Variants in CRYZL1 observed in about 807,000 individuals in gnomAD.
CRYZL1 encodes crystallin zeta like 1.
Under a neutral mutation model 50.6 loss-of-function variants are expected in CRYZL1, and 34 were observed. That is an observed-to-expected ratio of 0.67 (90% CI 0.51 to 0.89). The LOEUF (loss-of-function observed/expected upper bound fraction) is 0.89, where lower values mean the gene tolerates loss of function less well. Ranked by LOEUF, CRYZL1 falls within the 40% of genes least tolerant of loss-of-function variation. CRYZL1 has a pLI of 0.00. For synonymous variants in CRYZL1, 125 were observed against 134.3 expected (o/e 0.93, Z 0.48); for missense variants, 354 against 402.3 (o/e 0.88, Z 1.03).
chr21:33,633,982 T>A (rs545769566), intron 1 of CRYZL1, among the ~76,000 whole-genome samples: 1 of 152,060 alleles, frequency 6.6e-6, no homozygotes, highest in Non-Finnish European at 1.5e-5. Flanking sequence ...TTTTACAGAG[T>A]GTAGTTGAGC....
chr21:33,618,788 G>C (rs1272008071), intron 4 of CRYZL1, among the ~76,000 whole-genome samples: 2 of 152,008 alleles, frequency 1.3e-5, no homozygotes, highest in Non-Finnish European at 2.9e-5. Flanking sequence ...GCTGATCCCT[G>C]TCCTCCTAAG....
intron 8 of CRYZL1, among the ~76,000 whole-genome samples, chr21:33,600,930 A>T (rs71314178): frequency 0.027 from 83 of 3,108 alleles, 4 homozygotes; most frequent in South Asian, 0.06. Context: ...CCCGGTCCAT[A>T]AAGTTTTTTT....
At chr21:33,636,082 C>G (rs778326876) in intron 1 of CRYZL1, among the ~76,000 whole-genome samples, 7 of 152,148 alleles carry the variant, frequency 4.6e-5, no homozygotes, top group Non-Finnish European at 1.0e-4. Context: ...ATAAATTTTA[C>G]TATACCAAAA....
chr21:33,629,607 T>C (rs1321139494), intron 2 of CRYZL1, among the ~76,000 whole-genome samples: 1 of 152,198 alleles, frequency 6.6e-6, no homozygotes, highest in African/African-American at 2.4e-5. Flanking sequence ...TACTGATTCA[T>C]TAATTAGTTC....
intron 8 of CRYZL1, 155 bp from the exon 9 acceptor site, chr21:33,599,403 T>A (rs1212178212): frequency 1.9e-6 from 2 of 1,045,072 alleles, no homozygotes; most frequent in Admixed American, 4.2e-5. Flanking sequence ...GAAAGTCAAT[T>A]TAAATTATAC....
At chr21:33,617,513 A>C (rs1230982759) in intron 4 of CRYZL1, among the ~76,000 whole-genome samples, 1 of 152,234 alleles carries the variant, frequency 6.6e-6, no homozygotes, top group Non-Finnish European at 1.5e-5. Flanking sequence ...CACTGAGTTA[A>C]AGAAGGAAGG....
At chr21:33,622,295 T>C (rs925193091) in intron 3 of CRYZL1, among the ~76,000 whole-genome samples, 2 of 152,256 alleles carry the variant, frequency 1.3e-5, no homozygotes, top group African/African-American at 4.8e-5. Context: ...GGAATGAATA[T>C]TATTATTCAA....
chr21:33,624,904 A>C, intron 2 of CRYZL1, 144 bp from the exon 3 acceptor site: 2 of 1,156,504 alleles, frequency 1.7e-6, no homozygotes, highest in Non-Finnish European at 2.3e-6. Context: ...ACTATAAGTA[A>C]TTATAGAAAT....
Position 33,621,979 on chromosome 21 carries a change from C to CACA in CRYZL1, c.217+14_217+16dup, listed in dbSNP as rs747485370. 1 of 1,538,898 alleles carries CACA rather than the reference C, an allele frequency of 6.5e-7. No homozygotes were observed. The highest frequency in any genetic ancestry group is 1.7e-5 in the Admixed American group (1 of 58,492). On this transcript the variant is annotated intron_variant, in intron 4 of 12. Transcript: ENST00000381554. The stretch of plus-strand genomic sequence containing the variant: ...ACCTTAGAAAATAAATACATATACT[C>CACA]ACATCTGTATACTTACCATCTAATA...
rs1375809346 is a variant in CRYZL1 at position 33,631,575 on chromosome 21, T to C, written c.-6-18A>G. The C allele has an allele frequency of 7.2e-7, 1 of 1,390,976 alleles. No individual in the cohort carries two copies. The allele number at this position is 1,390,976 out of a possible 1,614,324, so 86.2% of individuals were successfully genotyped here. A position where few individuals can be genotyped will look rare whatever the true frequency, so the allele number is the denominator to read the frequency against. ...ATAGTCACCTAAAAATAAATATATA[T>C]AAATGAAATAAAATAACAAGTCTTC... is the stretch of plus-strand genomic sequence containing the variant. On this transcript the variant is annotated intron_variant, in intron 1 of 12. Transcript: ENST00000381554.
At chr21:33,632,034 A>T (rs2087143482) in intron 1 of CRYZL1, among the ~76,000 whole-genome samples, 1 of 152,062 alleles carries the variant, frequency 6.6e-6, no homozygotes, top group South Asian at 2.1e-4. Context: ...GAAGTATTTA[A>T]ACTTATAGCC....
intron 1 of CRYZL1, among the ~76,000 whole-genome samples, chr21:33,632,387 A>T (rs866079366): frequency 6.6e-6 from 1 of 150,700 alleles, no homozygotes; most frequent in Non-Finnish European, 1.5e-5. Context: ...TTATTTATTT[A>T]TTTTTTTTTA....
At chr21:33,606,775 C>T (rs2086819033) in intron 6 of CRYZL1, among the ~76,000 whole-genome samples, 1 of 151,910 alleles carries the variant, frequency 6.6e-6, no homozygotes, top group African/African-American at 2.4e-5. Flanking sequence ...TATGGGAGGC[C>T]GAGACAGGCA....
In CRYZL1 at chr21:33,621,200, C is replaced by T. The variant is rs139815483; in HGVS notation, c.217+796G>A. 3.9e-3 allele frequency among the ~76,000 whole-genome samples: 576 copies of T among 149,106 alleles called. 3 individuals are homozygous for T. The highest frequency in any genetic ancestry group is 5.0e-3 in the Non-Finnish European group (332 of 67,006). ...GATTACAGGCGTGAGCCACCGCGCC[C>T]GGCCGGGGTGTCCAATCTTTTGGCT... On this transcript the variant is annotated intron_variant, in intron 4 of 12. Transcript: ENST00000381554.
At chr21:33,634,880 A>AATATATATAT (rs10599845) in intron 1 of CRYZL1, among the ~76,000 whole-genome samples, 10 of 144,400 alleles carry the variant, frequency 6.9e-5, no homozygotes, top group African/African-American at 2.0e-4. Flanking sequence ...CAACAACAAC[A>AATATATATAT]ATATATATAT....
At chr21:33,631,639 C>T (rs2087138626) in intron 1 of CRYZL1, 82 bp from the exon 2 acceptor site, 3 of 890,420 alleles carry the variant, frequency 3.4e-6, no homozygotes, top group Non-Finnish European at 4.7e-6. Flanking sequence ...ACAGTGCTGG[C>T]AAAGGATAAA....
At chr21:33,613,958 G>C (rs780963794) in intron 5 of CRYZL1, among the ~76,000 whole-genome samples, 7 of 151,952 alleles carry the variant, frequency 4.6e-5, no homozygotes, top group Non-Finnish European at 1.0e-4. Flanking sequence ...GAATCATGAG[G>C]TCAGGAGTTT....
intron 10 of CRYZL1, 91 bp downstream of exon 10, chr21:33,597,189 G>A (rs2145919318): frequency 7.6e-7 from 1 of 1,314,572 alleles, no homozygotes; most frequent in Non-Finnish European, 1.1e-6. Context: ...TACTAATTTA[G>A]TCATACCTTG....
chr21:33,626,435 G>A (rs1350829423), intron 2 of CRYZL1, among the ~76,000 whole-genome samples: 1 of 151,808 alleles, frequency 6.6e-6, no homozygotes, highest in Non-Finnish European at 1.5e-5. Flanking sequence ...GGGGGCTCAC[G>A]CCTGTCATCC....
Sources: gnomAD v4.1 joint callset for allele counts (sites outside exome capture counted in the v4.1 genomes callset) on GRCh38, gnomAD v4.1.1 for gene constraint, MANE v1.5 for transcripts, NCBI Gene and HGNC (gene_info 2026-07-23, HGNC 2026-07-21) for gene names.